Variants in TTLL11 observed in about 807,000 individuals in gnomAD.
TTLL11 encodes tubulin polyglutamylase TTLL11.
TTLL11 carries 42 observed loss-of-function variants against 51.7 expected under a neutral mutation model. The observed-to-expected ratio is 0.81, with a 90% CI of 0.64 to 1.05. The LOEUF (loss-of-function observed/expected upper bound fraction) is 1.05. Ranked by LOEUF, TTLL11 falls within the 50% of genes least tolerant of loss-of-function variation. The pLI is 0.00. For missense variants in TTLL11, 799 were observed against 940.4 expected (o/e 0.85, Z 1.97); for synonymous variants, 381 against 383.5 (o/e 0.99, Z 0.08).
At chr9:121,900,926 A>G (rs1236846699) in intron 6 of TTLL11, among the ~76,000 whole-genome samples, 1 of 152,136 alleles carries the variant, frequency 6.6e-6, no homozygotes, top group African/African-American at 2.4e-5. Context: ...CTCCCGCCTC[A>G]GCCTCCTGAG....
chr9:121,847,698 T>G (rs1837557412), intron 8 of TTLL11, among the ~76,000 whole-genome samples: 1 of 152,186 alleles, frequency 6.6e-6, no homozygotes, highest in Non-Finnish European at 1.5e-5. Context: ...CCAGCTAGCT[T>G]CATTTGGTGA....
chr9:122,046,685 T>C (rs7029655), intron 1 of TTLL11, among the ~76,000 whole-genome samples: 30,517 of 152,104 alleles, frequency 0.2, 3,402 homozygotes, highest in Non-Finnish European at 0.24. Flanking sequence ...CAGACACTTT[T>C]GGAAAAAGCA....
rs763405150 is a variant in TTLL11, at chr9:121,989,798, A to G, written c.694-28T>C. ...GGAGGGGGAAAAAAGGATGGCCGACATTATATTGTTTTCCCTCTGGATCCC... is the reference window on the plus strand; with the variant it reads ...GGAGGGGGAAAAAAGGATGGCCGACGTTATATTGTTTTCCCTCTGGATCCC... On this transcript the variant is annotated intron_variant, in intron 3 of 8. Coordinates refer to ENST00000321582, the MANE Select transcript of TTLL11 (RefSeq NM_001139442.2). The surrounding 1 kb of genome is among the most constrained non-coding windows in gnomAD (Gnocchi z 4.2). 9.0e-6 allele frequency: 14 copies of G among 1,562,340 alleles called. No individual in the cohort carries two copies. Among genetic ancestry groups the G allele is most frequent in the South Asian group, 1.2e-5 (1 of 81,148 alleles).
intron 1 of TTLL11, among the ~76,000 whole-genome samples, chr9:122,050,763 G>A (rs921516085): frequency 6.6e-6 from 1 of 152,128 alleles, no homozygotes; most frequent in African/African-American, 2.4e-5. Context: ...CTTTGCTTTG[G>A]GAATGCCTAG....
chr9:121,884,719 G>A (rs1014439853), intron 6 of TTLL11: 13 of 152,216 alleles, frequency 8.5e-5, no homozygotes, highest in African/African-American at 3.1e-4. Flanking sequence ...CAAACCAGAA[G>A]AGGGAACAAT....
chr9:122,063,755 G>A (rs1010903390), intron 1 of TTLL11, among the ~76,000 whole-genome samples: 1 of 152,256 alleles, frequency 6.6e-6, no homozygotes, highest in African/African-American at 2.4e-5. Flanking sequence ...ATCCCAGTTT[G>A]CCCAGGACTG....
chr9:121,872,824 C>T (rs774947502), intron 6 of TTLL11, among the ~76,000 whole-genome samples: 3 of 152,212 alleles, frequency 2.0e-5, no homozygotes, highest in Non-Finnish European at 4.4e-5. Flanking sequence ...GAAATGCTCC[C>T]TCCCACAAAG....
chr9:121,887,989 T>G (rs1238215770), intron 6 of TTLL11, among the ~76,000 whole-genome samples: 4 of 152,166 alleles, frequency 2.6e-5, no homozygotes. Context: ...GAAGCTGCCC[T>G]GGCTATTGGA....
intron 6 of TTLL11, among the ~76,000 whole-genome samples, chr9:121,899,155 C>T (rs1349061756): frequency 6.6e-6 from 1 of 152,062 alleles, no homozygotes; most frequent in East Asian, 1.9e-4. Context: ...AGGCACAACT[C>T]CGTCTCAAGG....
At chr9:121,926,965 G>A (rs1023284520) in intron 6 of TTLL11, among the ~76,000 whole-genome samples, 3 of 152,140 alleles carry the variant, frequency 2.0e-5, no homozygotes, top group African/African-American at 7.2e-5. Flanking sequence ...AGCCTCGCAC[G>A]GTGGAAAGAG....
At chr9:121,956,690 G>A (rs889342888) in intron 6 of TTLL11, among the ~76,000 whole-genome samples, 1 of 152,262 alleles carries the variant, frequency 6.6e-6, no homozygotes, top group Non-Finnish European at 1.5e-5. Flanking sequence ...GCCGGGGGTG[G>A]CAGGCAAGTA....
intron 1 of TTLL11, among the ~76,000 whole-genome samples, chr9:122,043,751 T>C (rs563605140): frequency 8.5e-5 from 13 of 152,192 alleles, no homozygotes; most frequent in African/African-American, 1.9e-4. Context: ...AAAGACACTA[T>C]GAACAGAGTG....
chr9:122,078,304 A>T (rs1408693900), intron 1 of TTLL11, among the ~76,000 whole-genome samples: 1 of 152,212 alleles, frequency 6.6e-6, no homozygotes, highest in African/African-American at 2.4e-5. Flanking sequence ...ATACATATAA[A>T]ATACTCTAAA....
At chr9:121,967,634 C>T (rs569540206) in intron 6 of TTLL11, among the ~76,000 whole-genome samples, 14 of 152,184 alleles carry the variant, frequency 9.2e-5, no homozygotes, top group Admixed American at 6.5e-4. Flanking sequence ...AAAAACTTCT[C>T]GTAGCAAAAA....
At chr9:121,882,434 ATCT>A (rs1218808301) in intron 6 of TTLL11, among the ~76,000 whole-genome samples, 1 of 152,078 alleles carries the variant, frequency 6.6e-6, no homozygotes, top group Non-Finnish European at 1.5e-5. Context: ...ATTGTCACTG[ATCT>A]TCTTAATCTT....
intron 3 of TTLL11, among the ~76,000 whole-genome samples, chr9:122,017,471 G>T (rs1844020982): frequency 7.8e-6 from 1 of 128,114 alleles, no homozygotes; most frequent in Admixed American, 7.5e-5. Context: ...ACAGGGTGAG[G>T]CTTTTTTTTT....
rs541209935 is a variant in TTLL11 at position 121,937,205 on chromosome 9, G to C, written c.1481+36804C>G. Among the ~76,000 whole-genome samples the C allele has an allele frequency of 6.6e-5, 10 of 152,246 alleles. No homozygotes were observed. The East Asian group carries it at 1.7e-3, about 26-fold the overall frequency. On this transcript the variant is annotated intron_variant, in intron 6 of 8. Coordinates refer to ENST00000321582, the MANE Select transcript of TTLL11 (RefSeq NM_001139442.2). ...CGTAAAGCAATTGTGAGGATTAAGTGGAAAAACGGACGTGAATAATGCCAG... is the reference window on the plus strand; with the variant it reads ...CGTAAAGCAATTGTGAGGATTAAGTCGAAAAACGGACGTGAATAATGCCAG...
At chr9:121,941,468 C>T (rs554481930) in intron 6 of TTLL11, among the ~76,000 whole-genome samples, 6 of 152,344 alleles carry the variant, frequency 3.9e-5, no homozygotes, top group Non-Finnish European at 7.3e-5. Flanking sequence ...GTCAACCTGT[C>T]TAAAACTGGA....
At chr9:121,842,886 G>C (rs1837400145) in intron 8 of TTLL11, among the ~76,000 whole-genome samples, 1 of 152,192 alleles carries the variant, frequency 6.6e-6, no homozygotes, top group Non-Finnish European at 1.5e-5. Flanking sequence ...CCACTCACGA[G>C]CTGGGTGACC....
Sources: gnomAD v4.1 joint callset for allele counts (sites outside exome capture counted in the v4.1 genomes callset) on GRCh38, gnomAD v4.1.1 for gene constraint, Gnocchi (gnomAD v3.1) non-coding constraint, MANE v1.5 for transcripts, NCBI Gene and HGNC (gene_info 2026-07-23, HGNC 2026-07-21) for gene names.